POU6F2: variants seen among roughly 807,000 people sequenced by gnomAD.
The protein encoded by POU6F2 is POU domain, class 6, transcription factor 2.
A neutral mutation model predicts 71.3 loss-of-function variants in POU6F2; 31 were observed. The ratio of observed to expected loss-of-function variants is 0.43; its 90% CI spans 0.33 to 0.59. POU6F2 has a LOEUF of 0.59. POU6F2 is among the 20% of genes least tolerant of loss of function. The pLI is 0.04. For missense variants in POU6F2, 783 were observed against 856.8 expected, an observed-to-expected ratio of 0.91 and a Z score of 1.07; for synonymous variants, 347 against 355.7, an observed-to-expected ratio of 0.98 and a Z score of 0.27.
intron 5 of POU6F2, among the ~76,000 whole-genome samples, chr7:39,398,415 G>T (rs1787223924): frequency 6.6e-6 from 1 of 150,612 alleles, no homozygotes; most frequent in Admixed American, 6.6e-5. Context: ...AAAGTCTAAT[G>T]AGCCATATAG....
chr7:39,461,461 G>A lies in POU6F2; in HGVS notation c.1658+746G>A, dbSNP rs779157175. On this transcript the variant is annotated intron_variant, in intron 9 of 9. Transcript: ENST00000518318. Reference sequence around the variant, plus strand: ...ATGCATGAGGTAACAAAGGCACTTCGGTAAGAGCTTTTTCCTCTTGGGCAA... The same window carrying A: ...ATGCATGAGGTAACAAAGGCACTTCAGTAAGAGCTTTTTCCTCTTGGGCAA... 4.6e-5 allele frequency among the ~76,000 whole-genome samples: 7 copies of A among 152,130 alleles called. No homozygotes were observed. In the East Asian group the frequency reaches 5.8e-4, roughly 13 times the overall value.
intron 5 of POU6F2, among the ~76,000 whole-genome samples, chr7:39,390,332 G>C (rs567358411): frequency 3.9e-5 from 6 of 152,194 alleles, no homozygotes; most frequent in African/African-American, 1.4e-4. Flanking sequence ...GGAGGTGGAG[G>C]CTGCAGTGAG....
At position 39,243,954 on chromosome 7, in the gene POU6F2, T is replaced by TTTAC. The variant is rs538634611; in HGVS notation, c.598+36334_598+36335insTTAC. Among the ~76,000 whole-genome samples, 373 of 152,212 alleles carry TTTAC rather than the reference T, an allele frequency of 2.5e-3. 2 individuals are homozygous for TTTAC. The highest frequency in any genetic ancestry group is 8.5e-3 in the African/African-American group (355 of 41,542). Reference sequence around the variant, plus strand: ...GTGTTGTCTTCAAGTTCTTAAAGCTTGTTGAGAGAGGAGACTTGAAGTTTT... The same window carrying TTTAC: ...GTGTTGTCTTCAAGTTCTTAAAGCTTTTACGTTGAGAGAGGAGACTTGAAGTTTT... On this transcript the variant is annotated intron_variant, in intron 4 of 9. Transcript: ENST00000518318.
chr7:39,128,512 C>A (rs946330788), intron 2 of POU6F2, among the ~76,000 whole-genome samples: 5 of 152,102 alleles, frequency 3.3e-5, no homozygotes, highest in Admixed American at 3.3e-4. Flanking sequence ...AGATGCATAT[C>A]TTAATTTTAT....
chr7:39,468,115 C>T lies in POU6F2; in HGVS notation c.*3429C>T, dbSNP rs568417912. On this transcript the variant is annotated 3_prime_UTR_variant, in exon 10 of 10. Transcript: ENST00000518318. Reference sequence around the variant, plus strand: ...TGTTTGGATAACATTTTGTAATGAGCTTTTTGTCATGTGATTTGCTTGTCT... The same window carrying T: ...TGTTTGGATAACATTTTGTAATGAGTTTTTTGTCATGTGATTTGCTTGTCT... 1 of 151,382 alleles carries T rather than the reference C, an allele frequency of 6.6e-6. No individual in the cohort carries two copies. Among genetic ancestry groups the T allele is most frequent in the East Asian group, 1.9e-4 (1 of 5,160 alleles). The allele number at this position is 151,382 out of a possible 1,614,324, so 9.4% of individuals were successfully genotyped here.
chr7:39,279,254 A>G (rs918419748), intron 4 of POU6F2, among the ~76,000 whole-genome samples: 8 of 151,080 alleles, frequency 5.3e-5, no homozygotes, highest in Non-Finnish European at 7.4e-5. Flanking sequence ...GCAAACATCT[A>G]CTCGAGTTCC....
chr7:39,439,090 T>G (rs6948501), intron 7 of POU6F2, among the ~76,000 whole-genome samples: 51,214 of 152,054 alleles, frequency 0.34, 9,637 homozygotes, highest in East Asian at 0.58. Context: ...TTGTTGAATT[T>G]TTCCCTTTAC....
At chr7:39,222,410 A>G (rs1402413557) in intron 4 of POU6F2, among the ~76,000 whole-genome samples, 1 of 152,214 alleles carries the variant, frequency 6.6e-6, no homozygotes, top group Non-Finnish European at 1.5e-5. Flanking sequence ...AAATATACCT[A>G]ACATAAAATT....
chr7:39,148,552 T>A (rs1270011812), intron 2 of POU6F2, among the ~76,000 whole-genome samples: 1 of 152,192 alleles, frequency 6.6e-6, no homozygotes, highest in Non-Finnish European at 1.5e-5. Context: ...ATGGTGATGA[T>A]GATAATGATA....
At chr7:39,058,874 C>T (rs547229102) in intron 1 of POU6F2, among the ~76,000 whole-genome samples, 2 of 152,266 alleles carry the variant, frequency 1.3e-5, no homozygotes, top group East Asian at 3.9e-4. Flanking sequence ...TGCATACTCA[C>T]AGCTGCTGAC....
At chr7:39,309,726 A>G (rs999308391) in intron 4 of POU6F2, among the ~76,000 whole-genome samples, 2 of 152,226 alleles carry the variant, frequency 1.3e-5, no homozygotes, top group Non-Finnish European at 2.9e-5. Context: ...GCTTTTATCC[A>G]ACAACTATAT....
chr7:39,135,823 G>A (rs1465959516), intron 2 of POU6F2, among the ~76,000 whole-genome samples: 6 of 152,122 alleles, frequency 3.9e-5, no homozygotes, highest in Middle Eastern at 3.4e-3. Context: ...CTATAGAAAA[G>A]GGAAGTAAAA....
intron 4 of POU6F2, among the ~76,000 whole-genome samples, chr7:39,327,453 C>T (rs1785533745): frequency 6.6e-6 from 1 of 151,982 alleles, no homozygotes; most frequent in African/African-American, 2.4e-5. Flanking sequence ...TTAACACATA[C>T]AATCTTCTTA....
At chr7:39,183,929 A>T (rs1278763313) in intron 2 of POU6F2, among the ~76,000 whole-genome samples, 1 of 152,182 alleles carries the variant, frequency 6.6e-6, no homozygotes, top group African/African-American at 2.4e-5. Flanking sequence ...CAAAGTACAA[A>T]CATTTTCATA....
chr7:39,097,044 A>C (rs967215042), intron 2 of POU6F2, among the ~76,000 whole-genome samples: 5 of 152,180 alleles, frequency 3.3e-5, no homozygotes, highest in African/African-American at 7.2e-5. Flanking sequence ...TTTCAATATA[A>C]ATTTAATTAT....
At chr7:39,387,160 G>A (rs1170756332) in intron 5 of POU6F2, among the ~76,000 whole-genome samples, 1 of 152,166 alleles carries the variant, frequency 6.6e-6, no homozygotes, top group Admixed American at 6.5e-5. Context: ...GGATGGTTCT[G>A]CTTGTCTCTC....
chr7:39,421,601 G>A (rs1583590025), intron 6 of POU6F2, among the ~76,000 whole-genome samples: 1 of 152,206 alleles, frequency 6.6e-6, no homozygotes, highest in African/African-American at 2.4e-5. Context: ...TTTTCTTAAA[G>A]CAATTGCCAA....
intron 7 of POU6F2, among the ~76,000 whole-genome samples, chr7:39,444,419 A>G (rs1195704382): frequency 6.6e-6 from 1 of 152,228 alleles, no homozygotes; most frequent in Non-Finnish European, 1.5e-5. Flanking sequence ...CCCCGTCTCT[A>G]CTAAAATACA....
chr7:39,093,079 G>T (rs1237538198), intron 2 of POU6F2, among the ~76,000 whole-genome samples: 2 of 151,918 alleles, frequency 1.3e-5, no homozygotes, highest in Non-Finnish European at 2.9e-5. Flanking sequence ...TTCTCTTATA[G>T]TTTTTCCTTC....
Sources: gnomAD v4.1 joint callset for allele counts (sites outside exome capture counted in the v4.1 genomes callset) on GRCh38, gnomAD v4.1.1 for gene constraint, MANE v1.5 for transcripts, NCBI Gene and HGNC (gene_info 2026-07-23, HGNC 2026-07-21) for gene names.